The following PRKAG2 variants were observed in gnomAD, a reference collection of about 807,000 sequenced individuals.
PRKAG2 encodes the protein 5'-AMP-activated protein kinase subunit gamma-2.
In PRKAG2, 26 loss-of-function variants were observed where a neutral mutation model predicts 69.6. The ratio of observed to expected loss-of-function variants is 0.37; its 90% CI spans 0.27 to 0.52. The LOEUF (loss-of-function observed/expected upper bound fraction) is 0.52, where lower values mean the gene tolerates loss of function less well. Ranked by LOEUF, PRKAG2 falls within the 20% of genes least tolerant of loss-of-function variation. PRKAG2 has a pLI of 0.90. For missense variants in PRKAG2, 557 were observed against 740.0 expected, an observed-to-expected ratio of 0.75 and a Z score of 2.87; for synonymous variants, 293 against 285.0, an observed-to-expected ratio of 1.03 and a Z score of -0.28.
In PRKAG2 at chr7:151,695,239, C is replaced by A. The variant is rs190030706; in HGVS notation, c.467-19602G>T. ...ATTGAAGCGACAGTCACCTGTTTCT[C>A]TAAGTCATGGCTCAAACCTGTTTCC... is the stretch of plus-strand genomic sequence containing the variant. On this transcript the variant is annotated intron_variant, in intron 3 of 15. Coordinates refer to ENST00000287878, the MANE Select transcript of PRKAG2 (RefSeq NM_016203.4). Among the ~76,000 whole-genome samples the A allele has an allele frequency of 5.9e-3, 900 of 152,342 alleles. 5 individuals are homozygous for A. The highest frequency in any genetic ancestry group is 0.024 in the Middle Eastern group (7 of 294).
chr7:151,746,939 A>T (rs1374566778), intron 3 of PRKAG2, among the ~76,000 whole-genome samples: 1 of 152,268 alleles, frequency 6.6e-6, no homozygotes, highest in African/African-American at 2.4e-5. Context: ...CACGTCCTGA[A>T]TGAGGAATGA....
chr7:151,564,923 T>G (rs573823706), intron 13 of PRKAG2, among the ~76,000 whole-genome samples: 1 of 152,228 alleles, frequency 6.6e-6, no homozygotes, highest in African/African-American at 2.4e-5. Flanking sequence ...GGCTATAAAG[T>G]GTCAGTCCCC....
intron 1 of PRKAG2, among the ~76,000 whole-genome samples, chr7:151,846,052 T>G (rs1301367375): frequency 2.6e-5 from 4 of 152,236 alleles, no homozygotes; most frequent in Non-Finnish European, 5.9e-5. Context: ...GCCTGATCAG[T>G]GCTCGCCCCT....
intron 3 of PRKAG2, among the ~76,000 whole-genome samples, chr7:151,750,540 G>A (rs2074597865): frequency 6.6e-6 from 1 of 152,238 alleles, no homozygotes. Flanking sequence ...TGTGAGATAT[G>A]CAGAATAGGC....
At chr7:151,693,433 TCA>T (rs1836027507) in intron 3 of PRKAG2, among the ~76,000 whole-genome samples, 1 of 152,134 alleles carries the variant, frequency 6.6e-6, no homozygotes, top group Non-Finnish European at 1.5e-5. Flanking sequence ...TCCAGGCCCA[TCA>T]CCTCCCCGGG....
chr7:151,743,156 T>G (rs2074020434), intron 3 of PRKAG2, among the ~76,000 whole-genome samples: 1 of 152,206 alleles, frequency 6.6e-6, no homozygotes, highest in Non-Finnish European at 1.5e-5. Flanking sequence ...CAGAATTCTT[T>G]TTTAAAGGGA....
At position 151,874,330 on chromosome 7, in the gene PRKAG2, TATG is replaced by T. The variant is rs751645171; in HGVS notation, c.114+2174_114+2176del. On this transcript the variant is annotated intron_variant, in intron 1 of 15. Transcript: ENST00000287878. ...TGTATATGTATATGATGTATATGTATATGATGTATATGTATATGTATATGATGT... is the reference window on the plus strand; with the variant it reads ...TGTATATGTATATGATGTATATGTATATGTATATGTATATGTATATGATGT... 1.3e-4 allele frequency among the ~76,000 whole-genome samples: 14 copies of T among 108,080 alleles called. 1 individual carries two copies. The highest frequency in any genetic ancestry group is 1.8e-4 in the Non-Finnish European group (10 of 54,714). The allele number at this position is 108,080 out of a possible 152,430, so 70.9% of individuals were successfully genotyped here.
At chr7:151,875,562 GGTGTGTGTGTGTGTGTGTGTGTGT>G (rs55660204) in intron 1 of PRKAG2, among the ~76,000 whole-genome samples, 5,948 of 131,368 alleles carry the variant, frequency 0.045, 229 homozygotes, top group African/African-American at 0.11. Flanking sequence ...GGAGCACTCT[GGTGTGTGTGTGTGTGTGTGTGTGT>G]GTGTGTGTGT....
intron 6 of PRKAG2, among the ~76,000 whole-genome samples, chr7:151,594,181 C>T (rs535502462): frequency 1.3e-5 from 2 of 152,326 alleles, no homozygotes; most frequent in East Asian, 3.9e-4. Context: ...GGCAGCCCTT[C>T]CAGGGCCCTT....
chr7:151,848,378 G>A (rs987910954), intron 1 of PRKAG2, among the ~76,000 whole-genome samples: 3 of 152,012 alleles, frequency 2.0e-5, no homozygotes, highest in Non-Finnish European at 4.4e-5. Context: ...ACCCAACACC[G>A]AACCTCCTGG....
chr7:151,630,555 T>A (rs777079954), intron 5 of PRKAG2, among the ~76,000 whole-genome samples: 3 of 152,252 alleles, frequency 2.0e-5, no homozygotes, highest in Non-Finnish European at 4.4e-5. Context: ...ACAGAGAGGT[T>A]AAGTAACTTG....
intron 5 of PRKAG2, among the ~76,000 whole-genome samples, chr7:151,608,802 A>T (rs1321993856): frequency 6.7e-6 from 1 of 150,236 alleles, no homozygotes; most frequent in East Asian, 2.0e-4. Flanking sequence ...ATATTCCTTT[A>T]TAAGATTAAA....
At position 151,565,786 on chromosome 7, in the gene PRKAG2, T is replaced by C. The variant is rs1344209675; in HGVS notation, c.1333A>G (p.Ile445Val). ...ACAAATATGTTCAAGGCTTTGATGA[T>C]GGGAGTGTCTGGATGTATGAAGGCA... ...NIAFIHPDTP[I>V]IKALNIFVER... Residue 445 changes from isoleucine to valine, a missense_variant, in exon 12 of 16, where the codon ATC (isoleucine) becomes GTC (valine). By Grantham distance (29) the Ile-to-Val change is conservative (BLOSUM62 3). Coordinates refer to ENST00000287878, the MANE Select transcript of PRKAG2 (RefSeq NM_016203.4). 1.2e-6 allele frequency: 2 copies of C among 1,612,856 alleles called. No homozygotes were observed. Among genetic ancestry groups the C allele is most frequent in the Admixed American group, 3.3e-5 (2 of 60,022 alleles).
chr7:151,640,113 C>A (rs905906680), intron 4 of PRKAG2, among the ~76,000 whole-genome samples: 7 of 152,200 alleles, frequency 4.6e-5, no homozygotes, highest in African/African-American at 1.7e-4. Context: ...GAGTTCAAGA[C>A]CAGCCTGGGC....
intron 1 of PRKAG2, among the ~76,000 whole-genome samples, chr7:151,819,723 T>C (rs1436216816): frequency 1.4e-5 from 2 of 142,698 alleles, no homozygotes; most frequent in African/African-American, 2.6e-5. Flanking sequence ...GGTCTTGAGA[T>C]ACTTGGGCTA....
rs977106266 is a variant in PRKAG2 at position 151,797,815 on chromosome 7, G to A, written c.115-11274C>T. On this transcript the variant is annotated intron_variant, in intron 1 of 15. Transcript: ENST00000287878. ...CCTCACTTCCATCCCGGGGTGAGCC[G>A]GCCACTCCCGCAGCATCTGGCCACG... is the stretch of plus-strand genomic sequence containing the variant. Among the ~76,000 whole-genome samples, 9 of 152,110 alleles carry A rather than the reference G, an allele frequency of 5.9e-5. No individual in the cohort carries two copies. In the South Asian group the frequency reaches 8.3e-4, roughly 14 times the overall value.
intron 5 of PRKAG2, among the ~76,000 whole-genome samples, chr7:151,618,473 T>A (rs1820691230): frequency 7.2e-6 from 1 of 139,620 alleles, no homozygotes; most frequent in Non-Finnish European, 1.5e-5. Flanking sequence ...TAAAATAAAA[T>A]AAAATAGGCC....
intron 5 of PRKAG2, among the ~76,000 whole-genome samples, chr7:151,618,793 A>C (rs1375826274): frequency 1.3e-5 from 2 of 152,172 alleles, no homozygotes; most frequent in African/African-American, 2.4e-5. Context: ...AAAACCCCTA[A>C]GTTTTTCTAA....
At chr7:151,610,125 G>A (rs1018240717) in intron 5 of PRKAG2, among the ~76,000 whole-genome samples, 1 of 152,154 alleles carries the variant, frequency 6.6e-6, no homozygotes, top group African/African-American at 2.4e-5. Context: ...CAGCACTTTC[G>A]GAGGCCGAGG....
Sources: allele counts gnomAD v4.1 joint callset (sites outside exome capture counted in the v4.1 genomes callset), GRCh38; gene constraint gnomAD v4.1.1; transcripts MANE v1.5; gene names NCBI Gene and HGNC (gene_info 2026-07-23, HGNC 2026-07-21).